CTIF: variants seen among roughly 807,000 people sequenced by gnomAD.
The protein encoded by CTIF is CBP80/20-dependent translation initiation factor.
In CTIF, 21 loss-of-function variants were observed where a neutral mutation model predicts 66.0. That is an observed-to-expected ratio of 0.32 (90% CI 0.23 to 0.46). The LOEUF is 0.46. Among genes scored for constraint, CTIF ranks in the 20% least tolerant of loss-of-function variants. The pLI is 1.00. For synonymous variants in CTIF, 345 were observed against 326.4 expected, an observed-to-expected ratio of 1.06 and a Z score of -0.62; for missense variants, 739 against 812.7, an observed-to-expected ratio of 0.91 and a Z score of 1.10.
rs146241254 is a variant in CTIF at position 48,664,273 on chromosome 18, G to T, written c.327-174G>T. ...AGCATGCACTTTCCCACGGCAGGGT[G>T]AGGAAGGTGAGGGGTGGCACCTGGG... On this transcript the variant is annotated intron_variant, in intron 4 of 11. Transcript: ENST00000256413. Among the ~76,000 whole-genome samples, 873 of 152,330 alleles carry T rather than the reference G, an allele frequency of 5.7e-3. 5 individuals are homozygous for T. The highest frequency in any genetic ancestry group is 0.017 in the Middle Eastern group (5 of 294).
At chr18:48,583,377 G>T (rs547239914) in intron 1 of CTIF, among the ~76,000 whole-genome samples, 1 of 152,350 alleles carries the variant, frequency 6.6e-6, no homozygotes, top group East Asian at 1.9e-4. Context: ...AGAGTGTGAA[G>T]TGTTTAGGCA....
At chr18:48,824,300 A>G (rs1032482979) in intron 10 of CTIF, among the ~76,000 whole-genome samples, 3 of 152,224 alleles carry the variant, frequency 2.0e-5, no homozygotes, top group African/African-American at 7.2e-5. Flanking sequence ...TCTCCTGCCC[A>G]GGTCCTCAGC....
At chr18:48,553,084 T>C (rs2088924827) in intron 1 of CTIF, among the ~76,000 whole-genome samples, 4 of 152,228 alleles carry the variant, frequency 2.6e-5, no homozygotes, top group Admixed American at 2.6e-4. Context: ...CACATCTTCC[T>C]GATACGGCCA....
chr18:48,644,873 A>G (rs2090997907), intron 3 of CTIF, among the ~76,000 whole-genome samples: 1 of 152,164 alleles, frequency 6.6e-6, no homozygotes, highest in Admixed American at 6.5e-5. Flanking sequence ...GGTTTAGGAG[A>G]TGTGCTTTCA....
intron 9 of CTIF, among the ~76,000 whole-genome samples, chr18:48,791,493 C>A (rs1352848768): frequency 6.6e-6 from 1 of 152,216 alleles, no homozygotes; most frequent in African/African-American, 2.4e-5. Flanking sequence ...CCTCTACCCC[C>A]AGCCCCCAAG....
intron 3 of CTIF, among the ~76,000 whole-genome samples, chr18:48,649,355 G>A (rs868352959): frequency 2.0e-5 from 3 of 152,234 alleles, no homozygotes; most frequent in South Asian, 4.1e-4. Flanking sequence ...CACTGCTAGC[G>A]CAGCAGTCTA....
chr18:48,540,735 G>T (rs911256662), intron 1 of CTIF, among the ~76,000 whole-genome samples: 2 of 152,120 alleles, frequency 1.3e-5, no homozygotes, highest in African/African-American at 4.8e-5. Context: ...GGTGTGTGTG[G>T]GGGGCGGGGA....
chr18:48,766,523 G>A (rs1442714761), intron 9 of CTIF, among the ~76,000 whole-genome samples: 2 of 152,246 alleles, frequency 1.3e-5, no homozygotes, highest in African/African-American at 4.8e-5. Flanking sequence ...ACAGCAGGCA[G>A]GGGGCCTACC....
At position 48,624,870 on chromosome 18, in the gene CTIF, G is replaced by T. The variant is rs528033271; in HGVS notation, c.180+5125G>T. Among the ~76,000 whole-genome samples the T allele has an allele frequency of 5.9e-5, 9 of 152,222 alleles. No homozygotes were observed. The East Asian group carries it at 1.7e-3, about 29-fold the overall frequency. On this transcript the variant is annotated intron_variant, in intron 2 of 11. Transcript: ENST00000256413. ...AGTTTCCAGTAAATTCTTGTTAAGG[G>T]GTCAAATTAAGAGCCAGTGAGAGTG...
At chr18:48,635,296 C>CT (rs1324718164) in intron 2 of CTIF, among the ~76,000 whole-genome samples, 3 of 131,660 alleles carry the variant, frequency 2.3e-5, no homozygotes, top group Admixed American at 1.5e-4. Flanking sequence ...TCTGCTTTTT[C>CT]TTTTTTTTCT....
chr18:48,786,655 A>G (rs1911738061), intron 9 of CTIF, among the ~76,000 whole-genome samples: 1 of 152,220 alleles, frequency 6.6e-6, no homozygotes, highest in Admixed American at 6.5e-5. Context: ...ATGGGCCTGA[A>G]TCAGTCAAGG....
intron 3 of CTIF, among the ~76,000 whole-genome samples, chr18:48,641,100 C>T (rs989358931): frequency 1.3e-5 from 2 of 152,182 alleles, no homozygotes; most frequent in African/African-American, 4.8e-5. Context: ...GGACGTCAGA[C>T]GTTTCCAGCT....
intron 2 of CTIF, among the ~76,000 whole-genome samples, chr18:48,635,946 A>G (rs2090814027): frequency 6.6e-6 from 1 of 152,184 alleles, no homozygotes; most frequent in African/African-American, 2.4e-5. Context: ...GCTCGTCAAA[A>G]TGCTGATCCT....
At chr18:48,640,289 C>G (rs968158358) in intron 3 of CTIF, among the ~76,000 whole-genome samples, 3 of 152,224 alleles carry the variant, frequency 2.0e-5, no homozygotes, top group African/African-American at 7.2e-5. Flanking sequence ...TCCGCGCACA[C>G]CTGCCTGTGC....
At chr18:48,818,401 G>A (rs932390102) in intron 10 of CTIF, among the ~76,000 whole-genome samples, 20 of 152,186 alleles carry the variant, frequency 1.3e-4, no homozygotes, top group Non-Finnish European at 2.6e-4. Flanking sequence ...CAGCCTGGTG[G>A]CCCCATTTTC....
intron 9 of CTIF, among the ~76,000 whole-genome samples, chr18:48,781,648 GAC>G (rs1421443463): frequency 6.6e-6 from 1 of 152,070 alleles, no homozygotes; most frequent in Non-Finnish European, 1.5e-5. Flanking sequence ...TGGGAGAGAA[GAC>G]ACGTGGCCCT....
chr18:48,739,406 G>A (rs2092534889), intron 7 of CTIF, among the ~76,000 whole-genome samples: 1 of 152,238 alleles, frequency 6.6e-6, no homozygotes, highest in African/African-American at 2.4e-5. Flanking sequence ...GGCCACTGCG[G>A]GGAGGTTTTC....
chr18:48,663,081 TTGTTTTAAA>T (rs2091374532), intron 3 of CTIF, among the ~76,000 whole-genome samples: 1 of 152,140 alleles, frequency 6.6e-6, no homozygotes, highest in Non-Finnish European at 1.5e-5. Flanking sequence ...TGTGGAAGTA[TTGTTTTAAA>T]GAGTGTGACG....
intron 2 of CTIF, among the ~76,000 whole-genome samples, chr18:48,634,984 T>C (rs1369359638): frequency 6.6e-6 from 1 of 152,194 alleles, no homozygotes; most frequent in Non-Finnish European, 1.5e-5. Flanking sequence ...TATAATATAT[T>C]ATTTCATTTA....
Sources: gnomAD v4.1 joint callset for allele counts (sites outside exome capture counted in the v4.1 genomes callset) on GRCh38, gnomAD v4.1.1 for gene constraint, MANE v1.5 for transcripts, NCBI Gene and HGNC (gene_info 2026-07-23, HGNC 2026-07-21) for gene names.